Variants in FAF1 observed in about 807,000 individuals in gnomAD.
The protein encoded by FAF1 is FAS-associated factor 1.
Under a neutral mutation model 92.5 loss-of-function variants are expected in FAF1, and 25 were observed. That is an observed-to-expected ratio of 0.27 (90% CI 0.20 to 0.38). The LOEUF (loss-of-function observed/expected upper bound fraction) is 0.38, where lower values mean the gene tolerates loss of function less well. Ranked by LOEUF, FAF1 falls within the 10% of genes least tolerant of loss-of-function variation. The pLI is 1.00. For missense variants in FAF1, 636 were observed against 793.3 expected (o/e 0.80, Z 2.38); for synonymous variants, 234 against 273.2 (o/e 0.86, Z 1.42).
intron 7 of FAF1, among the ~76,000 whole-genome samples, chr1:50,691,895 A>G (rs1025965914): frequency 3.3e-5 from 5 of 152,172 alleles, no homozygotes; most frequent in Admixed American, 2.6e-4. Flanking sequence ...TGATATATGT[A>G]TACACTATGA....
rs112754181 is a variant in FAF1, at chr1:50,882,447, A to T, written c.46-24450T>A. Among the ~76,000 whole-genome samples, 1,128 of 151,614 alleles carry T rather than the reference A, an allele frequency of 7.4e-3. 23 individuals carry two copies. Among genetic ancestry groups the T allele is most frequent in the African/African-American group, 0.026 (1,074 of 41,326 alleles). Reference sequence around the variant, plus strand: ...TGTCTCCACTAAAAATACAAAAATTAAAAAATTAGCCAGGCATGGTGACAC... The same window carrying T: ...TGTCTCCACTAAAAATACAAAAATTTAAAAATTAGCCAGGCATGGTGACAC... On this transcript the variant is annotated intron_variant, in intron 1 of 18. Transcript: ENST00000396153.
At chr1:50,462,738 CT>C (rs2148989991) in intron 18 of FAF1, among the ~76,000 whole-genome samples, 1 of 152,238 alleles carries the variant, frequency 6.6e-6, no homozygotes, top group Non-Finnish European at 1.5e-5. Context: ...TGAAAATCTC[CT>C]TTGAAAATAC....
chr1:50,595,181 C>T (rs1051159046), intron 9 of FAF1, among the ~76,000 whole-genome samples: 4 of 151,784 alleles, frequency 2.6e-5, no homozygotes, highest in Non-Finnish European at 5.9e-5. Flanking sequence ...TAGCCTCCTG[C>T]GTAGCTGGGA....
intron 15 of FAF1, among the ~76,000 whole-genome samples, chr1:50,503,404 G>A (rs933943018): frequency 1.3e-5 from 2 of 152,008 alleles, no homozygotes; most frequent in African/African-American, 4.8e-5. Context: ...AATTGCTTGA[G>A]GCTAAGAGTT....
At chr1:50,935,702 C>T (rs1430761720) in intron 1 of FAF1, among the ~76,000 whole-genome samples, 1 of 147,072 alleles carries the variant, frequency 6.8e-6, no homozygotes, top group Non-Finnish European at 1.5e-5. Context: ...GAACTCCTGA[C>T]CTCAAGGGAT....
rs559989131 is a variant in FAF1, at chr1:50,952,680, C to T, written c.45+7087G>A. The stretch of plus-strand genomic sequence containing the variant: ...GAAGTGAGGAGCATCTCTGCCCGGC[C>T]GCCCATCGTCTGAGATGTGGGGAGC... On this transcript the variant is annotated intron_variant, in intron 1 of 18. Coordinates refer to ENST00000396153, the MANE Select transcript of FAF1 (RefSeq NM_007051.3). Among the ~76,000 whole-genome samples the T allele has an allele frequency of 3.4e-3, 514 of 151,940 alleles. 1 individual carries two copies. Among genetic ancestry groups the T allele is most frequent in the African/African-American group, 0.012 (491 of 41,406 alleles).
chr1:50,519,635 G>A (rs1189181795), intron 15 of FAF1, among the ~76,000 whole-genome samples: 2 of 152,146 alleles, frequency 1.3e-5, no homozygotes, highest in Admixed American at 1.3e-4. Context: ...GAAATGAGAA[G>A]TATGTATGGC....
At chr1:50,489,670 T>G (rs1487592832) in intron 17 of FAF1, among the ~76,000 whole-genome samples, 1 of 152,160 alleles carries the variant, frequency 6.6e-6, no homozygotes, top group Non-Finnish European at 1.5e-5. Context: ...AATGAGTGAA[T>G]GAAGAAAAAT....
rs34587402 is a variant in FAF1, at chr1:50,437,382, CT to C, written c.*4057del. On this transcript the variant is annotated 3_prime_UTR_variant, in exon 19 of 19. Coordinates refer to ENST00000396153, the MANE Select transcript of FAF1 (RefSeq NM_007051.3). ...CCAGGAAAATACATGTTTAACCTTTCTTTTTTTTTTTTTTTTAAAGAGATGA... is the reference window on the plus strand; with the variant it reads ...CCAGGAAAATACATGTTTAACCTTTCTTTTTTTTTTTTTTTAAAGAGATGA... 0.025 allele frequency: 3,448 copies of C among 136,112 alleles called. 37 individuals are homozygous for C. Among genetic ancestry groups the C allele is most frequent in the Non-Finnish European group, 0.038 (2,392 of 62,444 alleles). The allele number at this position is 136,112 out of a possible 1,614,324, so 8.4% of individuals were successfully genotyped here.
intron 8 of FAF1, among the ~76,000 whole-genome samples, chr1:50,638,566 C>T (rs1184771021): frequency 1.3e-5 from 2 of 151,608 alleles, no homozygotes. Context: ...GCCTCAGCCT[C>T]CTGAGTAGCT....
At chr1:50,814,560 A>G (rs2124610048) in intron 2 of FAF1, among the ~76,000 whole-genome samples, 1 of 152,364 alleles carries the variant, frequency 6.6e-6, no homozygotes, top group South Asian at 2.1e-4. Context: ...AATTATAGAT[A>G]TATTCAACTA....
intron 12 of FAF1, among the ~76,000 whole-genome samples, chr1:50,571,937 GC>G (rs1650463422): frequency 6.6e-6 from 1 of 152,174 alleles, no homozygotes; most frequent in Admixed American, 6.5e-5. Flanking sequence ...CATGTTCAAT[GC>G]TTTTAAAGTT....
In FAF1 at chr1:50,641,047, T is replaced by C. The variant is rs186567030; in HGVS notation, c.744+14395A>G. 8.7e-3 allele frequency among the ~76,000 whole-genome samples: 1,327 copies of C among 152,174 alleles called. 5 individuals carry two copies. The highest frequency in any genetic ancestry group is 0.014 in the Non-Finnish European group (922 of 68,002). ...TGGGGTTTTACAATGTTGGCCAGGATGGTCTCGATCTCTTGACCTCATGAT... is the reference window on the plus strand; with the variant it reads ...TGGGGTTTTACAATGTTGGCCAGGACGGTCTCGATCTCTTGACCTCATGAT... On this transcript the variant is annotated intron_variant, in intron 8 of 18. Coordinates refer to ENST00000396153, the MANE Select transcript of FAF1 (RefSeq NM_007051.3).
chr1:50,490,462 AAAAG>A (rs1274972719), intron 17 of FAF1, 122 bp downstream of exon 17: 16 of 568,314 alleles, frequency 2.8e-5, no homozygotes, highest in African/African-American at 1.2e-4. Context: ...GAAGGAAGGA[AAAAG>A]AAAGAAGGAA....
At chr1:50,937,640 A>G (rs558392462) in intron 1 of FAF1, among the ~76,000 whole-genome samples, 39 of 152,264 alleles carry the variant, frequency 2.6e-4, no homozygotes, top group African/African-American at 9.4e-4. Flanking sequence ...GCCCTATGAC[A>G]TATCTAATAT....
At chr1:50,839,048 G>A (rs1480025612) in intron 2 of FAF1, among the ~76,000 whole-genome samples, 1 of 152,022 alleles carries the variant, frequency 6.6e-6, no homozygotes, top group Non-Finnish European at 1.5e-5. Context: ...TTTTTTTGAT[G>A]TGATCAGAGC....
At chr1:50,547,839 TAA>T (rs1414548623) in intron 13 of FAF1, among the ~76,000 whole-genome samples, 1 of 152,242 alleles carries the variant, frequency 6.6e-6, no homozygotes, top group Non-Finnish European at 1.5e-5. Context: ...CAATTTATCC[TAA>T]GTTTTTTGAG....
At chr1:50,678,563 C>T (rs987574013) in intron 7 of FAF1, among the ~76,000 whole-genome samples, 1 of 151,754 alleles carries the variant, frequency 6.6e-6, no homozygotes, top group Non-Finnish European at 1.5e-5. Context: ...TGGTGGATCA[C>T]GAGGTCAGGA....
At chr1:50,558,583 C>T (rs1213748873) in intron 13 of FAF1, among the ~76,000 whole-genome samples, 2 of 151,948 alleles carry the variant, frequency 1.3e-5, no homozygotes, top group Middle Eastern at 3.2e-3. Context: ...AAGGAGAACA[C>T]CAACAGACTT....
Sources: allele counts gnomAD v4.1 joint callset (sites outside exome capture counted in the v4.1 genomes callset), GRCh38; gene constraint gnomAD v4.1.1; transcripts MANE v1.5; gene names NCBI Gene and HGNC (gene_info 2026-07-23, HGNC 2026-07-21).